Variants in KCNQ1 observed in about 807,000 individuals in gnomAD.
KCNQ1 encodes the protein potassium voltage-gated channel subfamily KQT member 1.
KCNQ1 carries 49 observed loss-of-function variants against 72.4 expected under a neutral mutation model. The observed-to-expected ratio is 0.68, with a 90% confidence interval of 0.54 to 0.86. The LOEUF is 0.86. KCNQ1 is among the 40% of genes least tolerant of loss of function. The pLI, the probability that KCNQ1 is intolerant of heterozygous loss-of-function variation, is 0.00. For synonymous variants in KCNQ1, 450 were observed against 412.6 expected (o/e 1.09, Z -1.10); for missense variants, 790 against 945.1 (o/e 0.84, Z 2.15).
At chr11:2,476,060 T>G (rs1016376097) in intron 1 of KCNQ1, among the ~76,000 whole-genome samples, 9 of 152,236 alleles carry the variant, frequency 5.9e-5, no homozygotes, top group Admixed American at 1.3e-4. Context: ...AAATCACCTC[T>G]TCGAGTCTCT....
At position 2,748,203 on chromosome 11, in the gene KCNQ1, C is replaced by T. The variant is rs534556146; in HGVS notation, c.1515-20641C>T. 6.6e-6 allele frequency among the ~76,000 whole-genome samples: 1 copy of T among 152,254 alleles called. No homozygotes were observed. Among genetic ancestry groups the T allele is most frequent in the South Asian group, 2.1e-4 (1 of 4,822 alleles). On this transcript the variant is annotated intron_variant, in intron 11 of 15. Coordinates refer to ENST00000155840, the MANE Select transcript of KCNQ1 (RefSeq NM_000218.3). This position sits in a 1 kb window ranked among gnomAD's most constrained non-coding sequence, Gnocchi z 6.2. Reference sequence around the variant, plus strand: ...CACAGACCCCCAGCTCTGCAGTCAGCCCTGTCTCCTTGTGTCCCCAGACCT... The same window carrying T: ...CACAGACCCCCAGCTCTGCAGTCAGTCCTGTCTCCTTGTGTCCCCAGACCT...
In KCNQ1 at chr11:2,745,765, G is replaced by C. The variant is rs1007251695; in HGVS notation, c.1515-23079G>C. ...GTCTGCTCACTAAGCGTGCCTTGGAGAAGGCCGCTCAGCGAGGGCCGCCTT... is the reference window on the plus strand; with the variant it reads ...GTCTGCTCACTAAGCGTGCCTTGGACAAGGCCGCTCAGCGAGGGCCGCCTT... On this transcript the variant is annotated intron_variant, in intron 11 of 15. Coordinates refer to ENST00000155840, the MANE Select transcript of KCNQ1 (RefSeq NM_000218.3). The surrounding 1 kb of genome is among the most constrained non-coding windows in gnomAD (Gnocchi z 6.2). Among the ~76,000 whole-genome samples the C allele has an allele frequency of 2.0e-5, 3 of 152,242 alleles. No homozygotes were observed. Among genetic ancestry groups the C allele is most frequent in the Non-Finnish European group, 4.4e-5 (3 of 68,044 alleles).
rs2283197 is a variant in KCNQ1, at chr11:2,704,549, G to C, written c.1514+42468G>C. On this transcript the variant is annotated intron_variant, in intron 11 of 15. Coordinates refer to ENST00000155840, the MANE Select transcript of KCNQ1 (RefSeq NM_000218.3). The surrounding 1 kb of genome is among the most constrained non-coding windows in gnomAD (Gnocchi z 4.3). ...CAGTGGGGAGTCTCTAGGAGGTTTT[G>C]GGCAAGGCAGTGCCAAGGATCAGAT... Among the ~76,000 whole-genome samples, 64,141 of 151,998 alleles carry C rather than the reference G, an allele frequency of 0.42. 14,498 individuals are homozygous for C. The highest frequency in any genetic ancestry group is 0.84 in the East Asian group (4,309 of 5,148).
chr11:2,843,996 C>T (rs1289515730), intron 15 of KCNQ1, among the ~76,000 whole-genome samples: 1 of 152,234 alleles, frequency 6.6e-6, no homozygotes, highest in Non-Finnish European at 1.5e-5. Context: ...CTAGAGCATG[C>T]ACTGCCTTCC....
In KCNQ1 at chr11:2,493,112, G is replaced by T. The variant is rs191319893; in HGVS notation, c.387-34816G>T. 6.6e-4 allele frequency among the ~76,000 whole-genome samples: 100 copies of T among 152,282 alleles called. No individual in the cohort carries two copies. The highest frequency in any genetic ancestry group is 7.8e-4 in the Non-Finnish European group (53 of 68,020). On this transcript the variant is annotated intron_variant, in intron 1 of 15. Coordinates refer to ENST00000155840, the MANE Select transcript of KCNQ1 (RefSeq NM_000218.3). The surrounding 1 kb of genome is among the most constrained non-coding windows in gnomAD (Gnocchi z 5.3). ...TTGCATTTCTCTGATGACCAGTAAT[G>T]ATTAGCTTTTTTTTCCATATGTTTC...
At position 2,491,820 on chromosome 11, in the gene KCNQ1, A is replaced by G. The variant is rs1054144529; in HGVS notation, c.387-36108A>G. Among the ~76,000 whole-genome samples the G allele has an allele frequency of 3.9e-5, 6 of 152,284 alleles. No homozygotes were observed. The East Asian group carries it at 9.6e-4, about 24-fold the overall frequency. On this transcript the variant is annotated intron_variant, in intron 1 of 15. Coordinates refer to ENST00000155840, the MANE Select transcript of KCNQ1 (RefSeq NM_000218.3). The surrounding 1 kb of genome is among the most constrained non-coding windows in gnomAD (Gnocchi z 4.1). Reference sequence around the variant, plus strand: ...TCAAGGATAAAGAAAGGATCCTAAAAGCAGCAAGAAAAAAAAGACTTATAA... The same window carrying G: ...TCAAGGATAAAGAAAGGATCCTAAAGGCAGCAAGAAAAAAAAGACTTATAA...
At chr11:2,805,045 C>G (rs1023559065) in intron 15 of KCNQ1, among the ~76,000 whole-genome samples, 28 of 152,222 alleles carry the variant, frequency 1.8e-4, no homozygotes, top group African/African-American at 6.3e-4. Context: ...AAAACAAAAC[C>G]AGGAAGAGTG....
intron 6 of KCNQ1, among the ~76,000 whole-genome samples, chr11:2,581,796 A>G (rs2283174): frequency 0.33 from 49,988 of 152,218 alleles, 11,945 homozygotes; most frequent in African/African-American, 0.67. Context: ...GTGAGTGTGC[A>G]CCCACATACA....
Position 2,827,924 on chromosome 11 carries a change from C to T in KCNQ1, c.1795-19843C>T, listed in dbSNP as rs1191510692. Among the ~76,000 whole-genome samples, 3 of 152,186 alleles carry T rather than the reference C, an allele frequency of 2.0e-5. No individual in the cohort carries two copies. Among genetic ancestry groups the T allele is most frequent in the Non-Finnish European group, 4.4e-5 (3 of 68,046 alleles). On this transcript the variant is annotated intron_variant, in intron 15 of 15. Transcript: ENST00000155840. The surrounding 1 kb of genome is among the most constrained non-coding windows in gnomAD (Gnocchi z 6.7). ...CTCTGAGACATGGAAGTGGTGAGGT[C>T]AGGGGCCGGGAACCCTATGGTGGTG...
At chr11:2,814,848 A>ACTCTGGGCT (rs1159834515) in intron 15 of KCNQ1, among the ~76,000 whole-genome samples, 3 of 152,052 alleles carry the variant, frequency 2.0e-5, no homozygotes, top group African/African-American at 7.2e-5. Flanking sequence ...CTAGGTCTTG[A>ACTCTGGGCT]CTCTGGACTC....
chr11:2,667,322 G>A (rs1419402941), intron 11 of KCNQ1: 1 of 398,608 alleles, frequency 2.5e-6, no homozygotes, highest in Non-Finnish European at 4.4e-6. Flanking sequence ...TGGCCCAGAA[G>A]AAAGCAGTGA....
At position 2,660,092 on chromosome 11, in the gene KCNQ1, G is replaced by A. The variant is rs933931719; in HGVS notation, c.1394-1869G>A. The A allele has an allele frequency of 4.3e-5, 17 of 392,936 alleles. No individual in the cohort carries two copies. In the Admixed American group the frequency reaches 6.7e-4, roughly 15 times the overall value. The allele number at this position is 392,936 out of a possible 1,614,324, so 24.3% of individuals were successfully genotyped here. On this transcript the variant is annotated intron_variant, in intron 10 of 15. Coordinates refer to ENST00000155840, the MANE Select transcript of KCNQ1 (RefSeq NM_000218.3). ...TTTTCTCTTACGAGTTAAACTTTTG[G>A]TTTCGTATTTCAGAATTCACTGCCA...
chr11:2,489,814 G>A (rs987291758), intron 1 of KCNQ1, among the ~76,000 whole-genome samples: 19 of 152,160 alleles, frequency 1.2e-4, no homozygotes, highest in African/African-American at 4.1e-4. Flanking sequence ...ACCTAGTCTT[G>A]TCAGAATTCA....
chr11:2,646,098 C>T, intron 10 of KCNQ1: 1 of 398,646 alleles, frequency 2.5e-6, no homozygotes, highest in Non-Finnish European at 4.4e-6. Context: ...TGACTCCCCT[C>T]TTATCCCTTG....
chr11:2,671,375 AG>A lies in KCNQ1; in HGVS notation c.1514+9296del. Reference sequence around the variant, plus strand: ...ACTGGGAATATCCTGAAAAAGGTACAGGAACACCTGGCATGCCTCTCCCAGG... The same window carrying A: ...ACTGGGAATATCCTGAAAAAGGTACAGAACACCTGGCATGCCTCTCCCAGG... On this transcript the variant is annotated intron_variant, in intron 11 of 15. Coordinates refer to ENST00000155840, the MANE Select transcript of KCNQ1 (RefSeq NM_000218.3). The surrounding 1 kb of genome is among the most constrained non-coding windows in gnomAD (Gnocchi z 4.7). The A allele has an allele frequency of 2.5e-6, 1 of 398,614 alleles. No individual in the cohort carries two copies. Among genetic ancestry groups the A allele is most frequent in the East Asian group, 3.6e-5 (1 of 28,072 alleles). 24.7% of individuals were successfully genotyped at this position (398,614 alleles called of 1,614,324 possible). A position where few individuals can be genotyped will look rare whatever the true frequency, so the allele number is the denominator to read the frequency against.
At chr11:2,506,308 C>G (rs1212890220) in intron 1 of KCNQ1, among the ~76,000 whole-genome samples, 1 of 152,160 alleles carries the variant, frequency 6.6e-6, no homozygotes, top group Non-Finnish European at 1.5e-5. Flanking sequence ...AAAGACTATA[C>G]GTGAACTTTT....
In KCNQ1 at chr11:2,623,453, C is replaced by G. The variant is rs1849208139; in HGVS notation, c.1393+34599C>G. 2.5e-6 allele frequency: 1 copy of G among 398,616 alleles called. No homozygotes were observed. The highest frequency in any genetic ancestry group is 3.6e-5 in the East Asian group (1 of 28,084). The allele number at this position is 398,616 out of a possible 1,614,324, so 24.7% of individuals were successfully genotyped here. On this transcript the variant is annotated intron_variant, in intron 10 of 15. Coordinates refer to ENST00000155840, the MANE Select transcript of KCNQ1 (RefSeq NM_000218.3). The surrounding 1 kb of genome is among the most constrained non-coding windows in gnomAD (Gnocchi z 5.2). Reference sequence around the variant, plus strand: ...CTTCTTCCCCAACAACCCTTGGCAACCACTGAACTTTTTACTGCCTCCATA... The same window carrying G: ...CTTCTTCCCCAACAACCCTTGGCAAGCACTGAACTTTTTACTGCCTCCATA...
Position 2,662,012 on chromosome 11 carries a change from C to A in KCNQ1, c.1445C>A (p.Thr482Asn), listed in dbSNP as rs551775986. 1.9e-6 allele frequency: 3 copies of A among 1,614,230 alleles called. No homozygotes were observed. The highest frequency in any genetic ancestry group is 1.1e-5 in the South Asian group (1 of 91,088). Residue 482 changes from threonine to asparagine, a missense_variant, in exon 11 of 16, where the codon ACC becomes AAC. Coordinates refer to ENST00000155840, the MANE Select transcript of KCNQ1 (RefSeq NM_000218.3). ...GTGAGCATGCCCCATTTCATGAGAA[C>A]CAACAGCTTCGCCGAGGACCTGGAC... ...LEVSMPHFMR[T>N]NSFAEDLDLE...
In KCNQ1 at chr11:2,764,940, C is replaced by G. The variant is rs1215348648; in HGVS notation, c.1515-3904C>G. Reference sequence around the variant, plus strand: ...CTGTTTTATTAGTCTCTTCTGAGAACCAAATTTTGGCTTTGTTGATTTTCC... The same window carrying G: ...CTGTTTTATTAGTCTCTTCTGAGAAGCAAATTTTGGCTTTGTTGATTTTCC... On this transcript the variant is annotated intron_variant, in intron 11 of 15. Coordinates refer to ENST00000155840, the MANE Select transcript of KCNQ1 (RefSeq NM_000218.3). The surrounding 1 kb of genome is among the most constrained non-coding windows in gnomAD (Gnocchi z 4.8). Among the ~76,000 whole-genome samples the G allele has an allele frequency of 6.6e-6, 1 of 152,100 alleles. No homozygotes were observed. Among genetic ancestry groups the G allele is most frequent in the African/African-American group, 2.4e-5 (1 of 41,416 alleles).
Sources: allele counts gnomAD v4.1 joint callset (sites outside exome capture counted in the v4.1 genomes callset), GRCh38; gene constraint gnomAD v4.1.1; non-coding constraint Gnocchi (gnomAD v3.1); transcripts MANE v1.5; gene names NCBI Gene and HGNC (gene_info 2026-07-23, HGNC 2026-07-21).